The following NAALADL2 variants were observed in gnomAD, a reference collection of about 807,000 sequenced individuals.
The protein encoded by NAALADL2 is inactive N-acetylated-alpha-linked acidic dipeptidase-like protein 2.
A neutral mutation model predicts 87.2 loss-of-function variants in NAALADL2; 76 were observed. The ratio of observed to expected loss-of-function variants is 0.87; its 90% CI spans 0.72 to 1.05. The LOEUF (loss-of-function observed/expected upper bound fraction) is 1.05, where lower values mean the gene tolerates loss of function less well. Ranked by LOEUF, NAALADL2 falls within the 50% of genes least tolerant of loss-of-function variation. The pLI is 0.00. For missense variants in NAALADL2, 1,089 were observed against 945.8 expected, an observed-to-expected ratio of 1.15 and a Z score of -1.99; for synonymous variants, 354 against 331.0, an observed-to-expected ratio of 1.07 and a Z score of -0.75.
intron 1 of NAALADL2, among the ~76,000 whole-genome samples, chr3:174,953,116 G>C (rs1261300259): frequency 6.6e-6 from 1 of 151,938 alleles, no homozygotes; most frequent in South Asian, 2.1e-4. Context: ...AAGAAATTGA[G>C]ACACAGGAAG....
At chr3:175,508,570 A>G (rs1219342803) in intron 9 of NAALADL2, among the ~76,000 whole-genome samples, 4 of 152,064 alleles carry the variant, frequency 2.6e-5, no homozygotes, top group East Asian at 1.9e-4. Context: ...AAAAACAGCA[A>G]TCTTCATAGT....
chr3:174,825,227 G>A (rs1408861491), intron 3 of NAALADL2, among the ~76,000 whole-genome samples: 1 of 152,332 alleles, frequency 6.6e-6, no homozygotes, highest in South Asian at 2.1e-4. Context: ...CAAGAAGGCT[G>A]GCAGTATAAT....
intron 1 of NAALADL2, among the ~76,000 whole-genome samples, chr3:174,493,344 T>C (rs946726649): frequency 2.0e-5 from 3 of 152,304 alleles, no homozygotes; most frequent in African/African-American, 7.2e-5. Context: ...TAGGCATGAT[T>C]ATATAAAGAT....
chr3:175,056,518 A>C (rs1460089129), intron 1 of NAALADL2, among the ~76,000 whole-genome samples: 1 of 152,126 alleles, frequency 6.6e-6, no homozygotes, highest in Non-Finnish European at 1.5e-5. Flanking sequence ...TGCCAAGACA[A>C]GGTGGGTCAG....
intron 5 of NAALADL2, among the ~76,000 whole-genome samples, chr3:175,390,241 A>G (rs188237383): frequency 6.6e-6 from 1 of 152,146 alleles, no homozygotes; most frequent in South Asian, 2.1e-4. Flanking sequence ...AAAACAAAAA[A>G]TAGGGCTCAA....
intron 1 of NAALADL2, among the ~76,000 whole-genome samples, chr3:175,037,417 A>T (rs555041369): frequency 2.0e-5 from 3 of 152,308 alleles, no homozygotes; most frequent in Non-Finnish European, 2.9e-5. Context: ...CCCCTGAAAG[A>T]TAAGGAGATG....
chr3:175,666,701 C>A (rs567515652), intron 11 of NAALADL2, among the ~76,000 whole-genome samples: 1 of 151,888 alleles, frequency 6.6e-6, no homozygotes, highest in Non-Finnish European at 1.5e-5. Flanking sequence ...ATCTTTGGAA[C>A]GTTACATTAG....
intron 5 of NAALADL2, among the ~76,000 whole-genome samples, chr3:175,333,362 T>G (rs748442449): frequency 1.3e-5 from 2 of 152,160 alleles, no homozygotes; most frequent in Non-Finnish European, 2.9e-5. Context: ...TAATAGTAGC[T>G]GTAGGTAGGT....
intron 1 of NAALADL2, among the ~76,000 whole-genome samples, chr3:175,043,649 T>C (rs946311351): frequency 4.6e-5 from 7 of 152,164 alleles, no homozygotes; most frequent in Non-Finnish European, 7.4e-5. Flanking sequence ...ATTTCCACAT[T>C]GTGTATTTTT....
intron 2 of NAALADL2, among the ~76,000 whole-genome samples, chr3:175,198,764 ATTTTTTTTTCATTTTAAGGGCAGAT>A (rs1421172316): frequency 2.7e-5 from 4 of 148,744 alleles, no homozygotes; most frequent in African/African-American, 9.8e-5. Context: ...TACTTTGCAG[ATTTTTTTTTCATTTTAAGGGCAGAT>A]TTTTTTTTTT....
intron 9 of NAALADL2, among the ~76,000 whole-genome samples, chr3:175,544,676 T>C (rs1712991160): frequency 6.6e-6 from 1 of 152,194 alleles, no homozygotes; most frequent in Non-Finnish European, 1.5e-5. Context: ...TATAATGTTT[T>C]TTCAATGCTC....
chr3:175,050,550 C>G (rs1755243282), intron 1 of NAALADL2, among the ~76,000 whole-genome samples: 1 of 152,106 alleles, frequency 6.6e-6, no homozygotes, highest in African/African-American at 2.4e-5. Flanking sequence ...TTGATGTTTT[C>G]TGACCAGAAA....
chr3:174,572,274 G>C (rs149579904), intron 2 of NAALADL2, among the ~76,000 whole-genome samples: 1 of 152,082 alleles, frequency 6.6e-6, no homozygotes, highest in African/African-American at 2.4e-5. Context: ...GGAGGTGCAT[G>C]CTGCCACACC....
At chr3:174,941,510 A>T (rs1738587429) in intron 1 of NAALADL2, among the ~76,000 whole-genome samples, 1 of 152,030 alleles carries the variant, frequency 6.6e-6, no homozygotes, top group East Asian at 1.9e-4. Flanking sequence ...GGTCTATTAG[A>T]TCTATTTGGT....
Position 175,286,223 on chromosome 3 carries a change from G to A in NAALADL2, c.939+29693G>A, listed in dbSNP as rs1754954051. ...ATGGTGGAAAATGCTATGGCAGTAA[G>A]GCAGATTTATTCAGACCAGAGGGAA... On this transcript the variant is annotated intron_variant, in intron 4 of 13. Coordinates refer to ENST00000454872, the MANE Select transcript of NAALADL2 (RefSeq NM_207015.3). Among the ~76,000 whole-genome samples, 6 of 152,134 alleles carry A rather than the reference G, an allele frequency of 3.9e-5. No individual in the cohort carries two copies. The South Asian group carries it at 1.2e-3, about 31-fold the overall frequency.
intron 10 of NAALADL2, among the ~76,000 whole-genome samples, chr3:175,602,908 A>T (rs1293082230): frequency 6.6e-6 from 1 of 152,132 alleles, no homozygotes; most frequent in Non-Finnish European, 1.5e-5. Context: ...TATTGTTAAC[A>T]CCTTTCCCCA....
intron 3 of NAALADL2, among the ~76,000 whole-genome samples, chr3:174,755,876 T>A (rs1010201754): frequency 2.0e-5 from 3 of 152,262 alleles, no homozygotes; most frequent in African/African-American, 7.2e-5. Context: ...GTTCCCAATA[T>A]GAATCTGCAA....
chr3:174,760,377 A>T (rs1005041238), intron 3 of NAALADL2, among the ~76,000 whole-genome samples: 1 of 152,230 alleles, frequency 6.6e-6, no homozygotes, highest in Non-Finnish European at 1.5e-5. Context: ...TAAATTTTCC[A>T]GGTCAGCCAA....
At chr3:175,575,276 T>A (rs1718693195) in intron 9 of NAALADL2, among the ~76,000 whole-genome samples, 3 of 152,042 alleles carry the variant, frequency 2.0e-5, no homozygotes. Context: ...TTATTTTTAT[T>A]TTTATTTATT....
Sources: allele counts gnomAD v4.1 joint callset (sites outside exome capture counted in the v4.1 genomes callset), GRCh38; gene constraint gnomAD v4.1.1; transcripts MANE v1.5; gene names NCBI Gene and HGNC (gene_info 2026-07-23, HGNC 2026-07-21).